NEK1: variants seen among roughly 807,000 people sequenced by gnomAD.
NEK1 encodes NIMA related kinase 1, also known as serine/threonine-protein kinase Nek1.
NEK1 carries 137 observed loss-of-function variants against 182.1 expected under a neutral mutation model. The ratio of observed to expected loss-of-function variants is 0.75; its 90% CI spans 0.65 to 0.87. The LOEUF is 0.87. NEK1 is among the 40% of genes least tolerant of loss of function. The pLI is 0.00. For missense variants in NEK1, 1,391 were observed against 1,494.4 expected, an observed-to-expected ratio of 0.93 and a Z score of 1.14; for synonymous variants, 513 against 492.2, an observed-to-expected ratio of 1.04 and a Z score of -0.56.
intron 16 of NEK1, 72 bp from the exon 17 acceptor site, chr4:169,556,167 A>C: frequency 7.3e-7 from 1 of 1,376,754 alleles, no homozygotes; most frequent in Non-Finnish European, 9.8e-7. Flanking sequence ...GTCTCAAAAG[A>C]AAAAGTAAAT....
intron 32 of NEK1, among the ~76,000 whole-genome samples, chr4:169,404,965 A>G (rs1209595685): frequency 6.6e-6 from 1 of 152,136 alleles, no homozygotes; most frequent in East Asian, 1.9e-4. Context: ...ACATGTGTGC[A>G]CTGACACATG....
At chr4:169,552,886 T>C (rs561549628) in intron 18 of NEK1, among the ~76,000 whole-genome samples, 1 of 152,180 alleles carries the variant, frequency 6.6e-6, no homozygotes, top group East Asian at 1.9e-4. Context: ...TAAAAAAATA[T>C]GCACGGGTAT....
At chr4:169,506,743 C>G (rs1753319415) in intron 23 of NEK1, 1 of 157,352 alleles carries the variant, frequency 6.4e-6, no homozygotes, top group Non-Finnish European at 1.4e-5. Context: ...TGCACTTCAG[C>G]CTGGGTGACA....
rs1454874943 is a variant in NEK1, at chr4:169,485,616, TAA to T, written c.2008-6084_2008-6083del. 1.2e-4 allele frequency among the ~76,000 whole-genome samples: 19 copies of T among 152,114 alleles called. No individual in the cohort carries two copies. In the East Asian group the frequency reaches 3.5e-3, roughly 28 times the overall value. ...AATTAACTAAGCCAGGAAAACAATA[TAA>T]AGTTTCATATAAGAGAAAAATATAA... On this transcript the variant is annotated intron_variant, in intron 23 of 35. Coordinates refer to ENST00000507142, the MANE Select transcript of NEK1 (RefSeq NM_001199397.3).
At chr4:169,420,503 T>C (rs1383448214) in intron 31 of NEK1, among the ~76,000 whole-genome samples, 1 of 152,212 alleles carries the variant, frequency 6.6e-6, no homozygotes, top group South Asian at 2.1e-4. Context: ...ACCACAAACA[T>C]GTGAGTAATG....
At chr4:169,570,182 C>T (rs1472522002) in intron 12 of NEK1, among the ~76,000 whole-genome samples, 4 of 151,648 alleles carry the variant, frequency 2.6e-5, no homozygotes, top group Non-Finnish European at 4.4e-5. Context: ...TGCCCGGCTG[C>T]GACCCCGTCT....
intron 18 of NEK1, among the ~76,000 whole-genome samples, chr4:169,547,723 A>ATAT (rs1235447283): frequency 6.6e-6 from 1 of 151,712 alleles, no homozygotes; most frequent in East Asian, 1.9e-4. Context: ...CATTGAGTTG[A>ATAT]TCTTCAATCT....
rs751424505 is a variant in NEK1 at position 169,477,186 on chromosome 4, C to T, written c.2372G>A (p.Gly791Glu). Reference sequence around the variant, plus strand: ...ATCCAGAGGAATCACAAGTTGACCTCCTGCCTCCCACTTCTTGCGATCAGA... The same window carrying T: ...ATCCAGAGGAATCACAAGTTGACCTTCTGCCTCCCACTTCTTGCGATCAGA... The part of the protein sequence containing the change: ...VSSDRKKWEA[G>E]GQLVIPLDEL... Residue 791 changes from glycine (G) to glutamate (E), a missense_variant, in exon 26 of 36, where the codon GGA (glycine) becomes GAA (glutamate). By Grantham distance (98) the Gly-to-Glu change is moderately conservative. Around this residue, in one of 5 missense-constraint regions of NEK1, gnomAD observed 1,216 missense variants for 1,277.6 expected, o/e 0.95. Coordinates refer to ENST00000507142, the MANE Select transcript of NEK1 (RefSeq NM_001199397.3). 8 of 1,608,724 alleles carry T rather than the reference C, an allele frequency of 5.0e-6. No homozygotes were observed. Among genetic ancestry groups the T allele is most frequent in the Non-Finnish European group, 6.8e-6 (8 of 1,177,378 alleles).
intron 26 of NEK1, among the ~76,000 whole-genome samples, chr4:169,469,963 T>G (rs1405356839): frequency 8.3e-6 from 1 of 120,686 alleles, no homozygotes; most frequent in Non-Finnish European, 1.9e-5. Flanking sequence ...TTTTTTTTTT[T>G]GCTTTTCATT....
At chr4:169,475,260 ACC>A (rs1475719547) in intron 26 of NEK1, among the ~76,000 whole-genome samples, 1 of 152,110 alleles carries the variant, frequency 6.6e-6, no homozygotes, top group Non-Finnish European at 1.5e-5. Flanking sequence ...GAAAAAAAGC[ACC>A]CAAAAAGATT....
At chr4:169,547,467 C>T (rs557293204) in intron 18 of NEK1, among the ~76,000 whole-genome samples, 8 of 152,170 alleles carry the variant, frequency 5.3e-5, no homozygotes, top group African/African-American at 1.4e-4. Context: ...TTGCTGATCT[C>T]GAGGAGTATC....
At chr4:169,581,468 G>A (rs1766642039) in intron 10 of NEK1, among the ~76,000 whole-genome samples, 1 of 151,920 alleles carries the variant, frequency 6.6e-6, no homozygotes, top group Non-Finnish European at 1.5e-5. Flanking sequence ...ATTTTTTATG[G>A]AGATGGGGGT....
chr4:169,582,021 T>C (rs1251394801), intron 10 of NEK1, among the ~76,000 whole-genome samples: 1 of 152,178 alleles, frequency 6.6e-6, no homozygotes, highest in Non-Finnish European at 1.5e-5. Flanking sequence ...AAAAATCATT[T>C]ACATTTTCTG....
At chr4:169,463,808 GT>G (rs1178982075) in intron 26 of NEK1, among the ~76,000 whole-genome samples, 4 of 152,014 alleles carry the variant, frequency 2.6e-5, no homozygotes, top group Non-Finnish European at 5.9e-5. Flanking sequence ...TCATTTGTTT[GT>G]TTTTTAAGAG....
At chr4:169,423,497 G>A (rs746230504) in intron 31 of NEK1, among the ~76,000 whole-genome samples, 7 of 152,150 alleles carry the variant, frequency 4.6e-5, no homozygotes, top group Non-Finnish European at 1.0e-4. Context: ...AATCTCATTT[G>A]TAAAACACAG....
chr4:169,475,524 T>C (rs61267727), intron 26 of NEK1, among the ~76,000 whole-genome samples: 2 of 151,952 alleles, frequency 1.3e-5, no homozygotes, highest in African/African-American at 4.8e-5. Context: ...AATAAAAAAA[T>C]ACCTAGCACC....
intron 23 of NEK1, among the ~76,000 whole-genome samples, chr4:169,480,510 T>TTAAA (rs1361908985): frequency 5.0e-5 from 5 of 100,272 alleles, no homozygotes; most frequent in African/African-American, 1.6e-4. Context: ...ACCTCATTCC[T>TTAAA]AAAAAAAAAA....
chr4:169,471,147 C>T (rs1289359153), intron 26 of NEK1, among the ~76,000 whole-genome samples: 1 of 152,194 alleles, frequency 6.6e-6, no homozygotes, highest in African/African-American at 2.4e-5. Context: ...CATTCTCCGT[C>T]CAGTTTTGTT....
rs552318698 is a variant in NEK1 at position 169,453,065 on chromosome 4, G to A, written c.2587+10178C>T. Reference sequence around the variant, plus strand: ...CATGAGTGAACTCCCATTCACAATAGCTACAAAGAGAATAAAATACCTAGG... The same window carrying A: ...CATGAGTGAACTCCCATTCACAATAACTACAAAGAGAATAAAATACCTAGG... On this transcript the variant is annotated intron_variant, in intron 27 of 35. Coordinates refer to ENST00000507142, the MANE Select transcript of NEK1 (RefSeq NM_001199397.3). Among the ~76,000 whole-genome samples, 30 of 152,254 alleles carry A rather than the reference G, an allele frequency of 2.0e-4. 2 individuals carry two copies. The South Asian group carries it at 6.2e-3, about 32-fold the overall frequency.
Sources: allele counts gnomAD v4.1 joint callset (sites outside exome capture counted in the v4.1 genomes callset), GRCh38; gene constraint gnomAD v4.1.1; regional missense constraint gnomAD v4.1.1; transcripts MANE v1.5; gene names NCBI Gene and HGNC (gene_info 2026-07-23, HGNC 2026-07-21).